Variants in PAFAH2 observed in about 807,000 individuals in gnomAD.
The protein encoded by PAFAH2 is platelet activating factor acetylhydrolase 2, also known as platelet-activating factor acetylhydrolase 2, cytoplasmic.
In PAFAH2, 42 loss-of-function variants were observed where a neutral mutation model predicts 49.0. The observed-to-expected ratio is 0.86, with a 90% CI of 0.67 to 1.11. The LOEUF (loss-of-function observed/expected upper bound fraction) is 1.11, where lower values mean the gene tolerates loss of function less well. PAFAH2 is among the 50% of genes least tolerant of loss of function. PAFAH2 has a pLI of 0.00. For missense variants in PAFAH2, 503 were observed against 501.8 expected, an observed-to-expected ratio of 1.00 and a Z score of -0.02; for synonymous variants, 184 against 181.3, an observed-to-expected ratio of 1.01 and a Z score of -0.12.
chr1:25,967,848 C>G (rs1006875889), intron 10 of PAFAH2, among the ~76,000 whole-genome samples: 28 of 152,036 alleles, frequency 1.8e-4, no homozygotes, highest in African/African-American at 6.8e-4. Flanking sequence ...AATGAACCAG[C>G]AGAGAGGGAA....
rs182857599 is a variant in PAFAH2, at chr1:25,991,473, G to A, written c.-47-610C>T. 3.0e-3 allele frequency among the ~76,000 whole-genome samples: 459 copies of A among 151,532 alleles called. 3 individuals are homozygous for A. The highest frequency in any genetic ancestry group is 0.01 in the African/African-American group (415 of 41,406). On this transcript the variant is annotated intron_variant, in intron 1 of 10. Transcript: ENST00000374282. The stretch of plus-strand genomic sequence containing the variant: ...TTTTTGTTTAATTTTTAGTAGAGAC[G>A]GGGTTTCGCCATGTTGGCCAGGATG...
At chr1:25,976,288 A>C (rs2049588170) in intron 8 of PAFAH2, among the ~76,000 whole-genome samples, 1 of 151,794 alleles carries the variant, frequency 6.6e-6, no homozygotes, top group Non-Finnish European at 1.5e-5. Context: ...ACAGGCATGC[A>C]CTATCACACT....
intron 1 of PAFAH2, among the ~76,000 whole-genome samples, chr1:25,995,721 C>T (rs2049927857): frequency 6.6e-6 from 1 of 152,128 alleles, no homozygotes; most frequent in Non-Finnish European, 1.5e-5. Context: ...TTAATTTATC[C>T]AATGAATACT....
chr1:25,984,917 T>C (rs10902716), intron 4 of PAFAH2, among the ~76,000 whole-genome samples: 80,130 of 148,996 alleles, frequency 0.54, 24,502 homozygotes, highest in East Asian at 0.7. Context: ...GGGACTATCT[T>C]GGCCTCGGCT....
chr1:25,965,868 C>A (rs2049413166), intron 10 of PAFAH2, among the ~76,000 whole-genome samples: 1 of 74,118 alleles, frequency 1.3e-5, no homozygotes, highest in Admixed American at 1.6e-4. Flanking sequence ...ACTCAAACAA[C>A]TCAACAAGAA....
intron 6 of PAFAH2, among the ~76,000 whole-genome samples, chr1:25,983,308 T>C (rs1276096820): frequency 1.3e-5 from 2 of 151,810 alleles, no homozygotes; most frequent in Non-Finnish European, 2.9e-5. Flanking sequence ...CACTCGAGCC[T>C]AGGAGATTGA....
chr1:25,991,079 C>T (rs757170890), intron 1 of PAFAH2, among the ~76,000 whole-genome samples: 11 of 152,102 alleles, frequency 7.2e-5, no homozygotes, highest in Non-Finnish European at 1.5e-4. Flanking sequence ...GGCTGGAAGA[C>T]GAAAGAGAGC....
chr1:25,963,796 T>A (rs1044415944), intron 10 of PAFAH2, among the ~76,000 whole-genome samples: 6 of 152,164 alleles, frequency 3.9e-5, no homozygotes, highest in Admixed American at 3.9e-4. Flanking sequence ...CCACGGTGCC[T>A]GGCCAGGCCA....
chr1:25,979,663 T>C (rs1051156621), intron 7 of PAFAH2, among the ~76,000 whole-genome samples: 6 of 152,116 alleles, frequency 3.9e-5, no homozygotes, highest in African/African-American at 1.4e-4. Flanking sequence ...AATTTTTTTG[T>C]ATTTTTAGTA....
In PAFAH2 at chr1:25,984,491, G is replaced by T. The variant is rs771242703; in HGVS notation, c.379C>A (p.Arg127Ser). ...YSAFCMELASRGFVVAVPEHR... is the reference protein window; with the variant it reads ...YSAFCMELASSGFVVAVPEHR... Reference sequence around the variant, plus strand: ...TCTGGCACAGCAACCACAAAGCCACGTGAGGCCAGCTCCATGCAGAAGGCT... The same window carrying T: ...TCTGGCACAGCAACCACAAAGCCACTTGAGGCCAGCTCCATGCAGAAGGCT... The change falls in exon 5 of 11, where the codon CGT becomes AGT. Residue 127 changes from arginine (R) to serine (S), a missense_variant. Physicochemically the swap from Arg to Ser is moderately radical, Grantham distance 110 (BLOSUM62 -1). Coordinates refer to ENST00000374282, the MANE Select transcript of PAFAH2 (RefSeq NM_000437.4). 1.2e-6 allele frequency: 2 copies of T among 1,613,728 alleles called. No homozygotes were observed. The highest frequency in any genetic ancestry group is 8.5e-7 in the Non-Finnish European group (1 of 1,179,910).
chr1:25,988,251 G>C lies in PAFAH2; in HGVS notation c.321C>G (p.Ser107=). Residue 107 remains serine (S), a synonymous_variant, in exon 4 of 11, where the codon TCC becomes TCG. Coordinates refer to ENST00000374282, the MANE Select transcript of PAFAH2 (RefSeq NM_000437.4). The part of the protein sequence containing the change: ...KDSGYPLIIF[S]HGLGAFRTLY... The stretch of plus-strand genomic sequence containing the variant: ...CTTACCTGAAGGCTCCTAGGCCATG[G>C]GAGAAGATGATCAAGGGGTATCCAG... The C allele has an allele frequency of 6.2e-7, 1 of 1,606,768 alleles. No homozygotes were observed.
chr1:25,995,533 G>A (rs1384751277), intron 1 of PAFAH2, among the ~76,000 whole-genome samples: 1 of 152,186 alleles, frequency 6.6e-6, no homozygotes, highest in Non-Finnish European at 1.5e-5. Flanking sequence ...GTCTCTGGAT[G>A]AACTTTTCTT....
In PAFAH2 at chr1:25,982,433, CA is replaced by C; in HGVS notation, c.596del (p.Leu199ArgfsTer20). The C allele has an allele frequency of 6.2e-7, 1 of 1,614,164 alleles. No homozygotes were observed. Among genetic ancestry groups the C allele is most frequent in the Non-Finnish European group, 8.5e-7 (1 of 1,180,012 alleles). On this transcript the variant is annotated frameshift_variant, in exon 7 of 11. Coordinates refer to ENST00000374282, the MANE Select transcript of PAFAH2 (RefSeq NM_000437.4). LOFTEE classifies it high-confidence loss of function. ...VSECLRVLKILQEVTAGQTVF... is the reference protein window; with the variant it reads ...VSECLRVLKIXQEVTAGQTVF... ...CAGTCTGCCCAGCAGTGACCTCTTG[CA>C]GGATCTTCAACACCCGTAAACACTC...
intron 10 of PAFAH2, among the ~76,000 whole-genome samples, chr1:25,968,106 A>C (rs1277017540): frequency 6.6e-6 from 1 of 152,152 alleles, no homozygotes; most frequent in African/African-American, 2.4e-5. Context: ...CAGAGGTTGC[A>C]GTGAGCTGAG....
Position 25,989,588 on chromosome 1 carries a change from C to T in PAFAH2, c.104G>A (p.Arg35Gln), listed in dbSNP as rs753096251. ...EGQNLQGSFFRLFYPCQKAEE... is the reference protein window; with the variant it reads ...EGQNLQGSFFQLFYPCQKAEE... Reference sequence around the variant, plus strand: ...TGCCTTTTGGCAGGGGTAGAAGAGTCGAAAGAAGCTCCCCTGTAGGAAAGA... The same window carrying T: ...TGCCTTTTGGCAGGGGTAGAAGAGTTGAAAGAAGCTCCCCTGTAGGAAAGA... Residue 35 changes from arginine to glutamine, a missense_variant, in exon 3 of 11, where the codon CGA becomes CAA. Arg to Gln is a conservative substitution (Grantham distance 43, BLOSUM62 1). Coordinates refer to ENST00000374282, the MANE Select transcript of PAFAH2 (RefSeq NM_000437.4). The T allele has an allele frequency of 2.0e-5, 31 of 1,583,938 alleles. No homozygotes were observed. Among genetic ancestry groups the T allele is most frequent in the East Asian group, 1.4e-4 (6 of 43,612 alleles).
intron 1 of PAFAH2, among the ~76,000 whole-genome samples, chr1:25,996,995 G>A (rs963393168): frequency 6.6e-6 from 1 of 152,228 alleles, no homozygotes; most frequent in African/African-American, 2.4e-5. Context: ...AGTGTCTACT[G>A]AACAGGCCCA....
chr1:25,974,516 C>A lies in PAFAH2; in HGVS notation c.893G>T (p.Cys298Phe). The stretch of plus-strand genomic sequence containing the variant: ...GATCCTAGACTGTTCATGCTGGGCA[C>A]ATATCTTCTTCATCAAATTGACACT... ...MESVNLMKKI[C>F]AQHEQSRIIT... is the part of the protein sequence containing the mutation. Residue 298 changes from cysteine (C) to phenylalanine (F), a missense_variant, in exon 9 of 11, where the codon TGT becomes TTT. Transcript: ENST00000374282. 2 of 1,613,924 alleles carry A rather than the reference C, an allele frequency of 1.2e-6. No homozygotes were observed. The highest frequency in any genetic ancestry group is 1.7e-6 in the Non-Finnish European group (2 of 1,179,952).
At chr1:25,972,775 G>A (rs545534399) in intron 9 of PAFAH2, 63 bp from the exon 10 acceptor site, 47 of 1,550,088 alleles carry the variant, frequency 3.0e-5, no homozygotes, top group Non-Finnish European at 3.8e-5. Flanking sequence ...TGTGTGTTAG[G>A]CACCTACTAT....
chr1:25,991,752 G>C (rs2049879572), intron 1 of PAFAH2, among the ~76,000 whole-genome samples: 1 of 151,926 alleles, frequency 6.6e-6, no homozygotes, highest in African/African-American at 2.4e-5. Context: ...AATTAGCCGG[G>C]TGCAGTGGCA....
Sources: gnomAD v4.1 joint callset for allele counts (sites outside exome capture counted in the v4.1 genomes callset) on GRCh38, gnomAD v4.1.1 for gene constraint, MANE v1.5 for transcripts, NCBI Gene and HGNC (gene_info 2026-07-23, HGNC 2026-07-21) for gene names.